The following RFLNA variants were observed in gnomAD, a reference collection of about 807,000 sequenced individuals.
RFLNA encodes refilin-A.
Under a neutral mutation model 7.8 loss-of-function variants are expected in RFLNA, and 5 were observed. The ratio of observed to expected loss-of-function variants is 0.64; its 90% CI spans 0.34 to 1.35. The LOEUF is 1.35. RFLNA is among the 40% of genes most tolerant of loss of function. RFLNA has a pLI of 0.04. For missense variants in RFLNA, 278 were observed against 305.5 expected (o/e 0.91, Z 0.67); for synonymous variants, 141 against 131.3 (o/e 1.07, Z -0.50).
Position 124,314,799 on chromosome 12 carries a change from G to A in RFLNA, c.*274G>A, listed in dbSNP as rs2034322002. 6.1e-6 allele frequency: 4 copies of A among 659,598 alleles called. No individual in the cohort carries two copies. Among genetic ancestry groups the A allele is most frequent in the Middle Eastern group, 2.5e-4 (1 of 3,938 alleles). 40.9% of individuals were successfully genotyped at this position (659,598 alleles called of 1,614,324 possible). On this transcript the variant is annotated 3_prime_UTR_variant, in exon 3 of 3. Coordinates refer to ENST00000546355, the MANE Select transcript of RFLNA (RefSeq NM_001365156.1). ...AGGCGGTAGGGGCATGCACTGTTAG[G>A]TGGTGGCCACCCCCAGGGTCAGGGG... is the stretch of plus-strand genomic sequence containing the variant.
At chr12:124,297,426 A>G (rs1263429870) in intron 1 of RFLNA, among the ~76,000 whole-genome samples, 3 of 152,188 alleles carry the variant, frequency 2.0e-5, no homozygotes, top group Non-Finnish European at 4.4e-5. Context: ...TAGATAGCTC[A>G]TACCGTGTGC....
Position 124,314,887 on chromosome 12 carries a change from A to C in RFLNA, c.*362A>C. 2.5e-6 allele frequency: 1 copy of C among 407,874 alleles called. No homozygotes were observed. The highest frequency in any genetic ancestry group is 4.8e-6 in the Non-Finnish European group (1 of 208,504). The allele number at this position is 407,874 out of a possible 1,614,324, so 25.3% of individuals were successfully genotyped here. On this transcript the variant is annotated 3_prime_UTR_variant, in exon 3 of 3. Transcript: ENST00000546355. Reference sequence around the variant, plus strand: ...ACAGCCCCGAGCAGTGTGAGGACAGAGGCATCCCAGCCTCAGCCGGTGGGG... The same window carrying C: ...ACAGCCCCGAGCAGTGTGAGGACAGCGGCATCCCAGCCTCAGCCGGTGGGG...
At chr12:124,291,590 A>G (rs1188326094), upstream of RFLNA, among the ~76,000 whole-genome samples, 1 of 152,212 alleles carries the variant, frequency 6.6e-6, no homozygotes, top group Non-Finnish European at 1.5e-5. Flanking sequence ...ATATGCAGCC[A>G]GGGTTCAAGT....
At chr12:124,291,773 C>A (rs930585821), upstream of RFLNA, among the ~76,000 whole-genome samples, 1 of 151,808 alleles carries the variant, frequency 6.6e-6, no homozygotes, top group Non-Finnish European at 1.5e-5. Flanking sequence ...AGTTGAGCTT[C>A]CCCCACACAA....
chr12:124,311,058 T>TC (rs1010064145), intron 1 of RFLNA, among the ~76,000 whole-genome samples: 7 of 152,144 alleles, frequency 4.6e-5, no homozygotes, highest in African/African-American at 1.7e-4. Context: ...TCAGCATAGC[T>TC]CCATTTCCAC....
intron 2 of RFLNA, among the ~76,000 whole-genome samples, chr12:124,313,461 G>A (rs1043128857): frequency 3.9e-5 from 6 of 152,100 alleles, no homozygotes; most frequent in South Asian, 2.1e-4. Context: ...GGCGGATCAC[G>A]AGGTCAGGAG....
chr12:124,310,435 G>A (rs1168581082), intron 1 of RFLNA, among the ~76,000 whole-genome samples: 1 of 151,926 alleles, frequency 6.6e-6, no homozygotes, highest in Non-Finnish European at 1.5e-5. Flanking sequence ...GGCTGCAGGG[G>A]CCAGAGGTCT....
rs532210038 is a variant in RFLNA, at chr12:124,305,064, T to C, written c.208-6754T>C. Among the ~76,000 whole-genome samples, 14 of 152,328 alleles carry C rather than the reference T, an allele frequency of 9.2e-5. No individual in the cohort carries two copies. The South Asian group carries it at 1.2e-3, about 14-fold the overall frequency. On this transcript the variant is annotated intron_variant, in intron 1 of 2. Transcript: ENST00000546355. ...TCAGTGTTGACTGAACGGTGAGCCA[T>C]AGAAGATGAGGATGGGCCTGTCTTG... is the stretch of plus-strand genomic sequence containing the variant.
At chr12:124,311,971 G>A (rs764684959) in intron 2 of RFLNA, 44 bp downstream of exon 2, 15 of 1,045,358 alleles carry the variant, frequency 1.4e-5, no homozygotes, top group South Asian at 3.1e-5. Context: ...GGGGTGGGGG[G>A]TTGGGTGCTG....
intron 1 of RFLNA, among the ~76,000 whole-genome samples, chr12:124,310,176 A>AAAAAAAAAAAAAAAAAAAAG (rs2034214739): frequency 7.5e-6 from 1 of 133,386 alleles, no homozygotes; most frequent in Non-Finnish European, 1.6e-5. Context: ...CTGTCTCAAA[A>AAAAAAAAAAAAAAAAAAAAG]AAAAAAAAAA....
At position 124,314,474 on chromosome 12, in the gene RFLNA, G is replaced by A; in HGVS notation, c.600G>A (p.Leu200=). The stretch of plus-strand genomic sequence containing the variant: ...GCTGGTTCACCGCCAGCGTGCAGCT[G>A]CAGCTTTGCCAGGACCCTGCCCCCA... ...PSRWFTASVQ[L]QLCQDPAPSL... is the part of the protein sequence containing the mutation. The change falls in exon 3 of 3, where the codon CTG becomes CTA. Residue 200 remains leucine (L), a synonymous_variant. Transcript: ENST00000546355. 1 of 1,598,484 alleles carries A rather than the reference G, an allele frequency of 6.3e-7. No individual in the cohort carries two copies. The highest frequency in any genetic ancestry group is 8.5e-7 in the Non-Finnish European group (1 of 1,179,218).
At position 124,289,315 on chromosome 12, in the gene RFLNA, G is replaced by C. The variant is rs959647012; in HGVS notation, c.-92G>C. The C allele has an allele frequency of 1.3e-5, 2 of 152,234 alleles. No homozygotes were observed. The highest frequency in any genetic ancestry group is 4.8e-5 in the African/African-American group (2 of 41,460). 9.4% of individuals were successfully genotyped at this position (152,234 alleles called of 1,614,324 possible). On this transcript the variant is annotated 5_prime_UTR_variant, in exon 1 of 3. Transcript: ENST00000324038. This position sits in a 1 kb window ranked among gnomAD's most constrained non-coding sequence, Gnocchi z 5.0. Reference sequence around the variant, plus strand: ...ACAGCCGGAAGGTGTGAAGCGGCAAGTTTCCAGCCGGGAAGAAGCCTCTCA... The same window carrying C: ...ACAGCCGGAAGGTGTGAAGCGGCAACTTTCCAGCCGGGAAGAAGCCTCTCA...
rs2034329050 is a variant in RFLNA at position 124,315,111 on chromosome 12, G to A, written c.*586G>A. ...CCACCTCTGGCGGATGTTGAGCCAG[G>A]AGGTTGGGCAAAGGCCGGATGCTGA... On this transcript the variant is annotated 3_prime_UTR_variant, in exon 3 of 3. Coordinates refer to ENST00000546355, the MANE Select transcript of RFLNA (RefSeq NM_001365156.1). The A allele has an allele frequency of 5.4e-6, 1 of 183,854 alleles. No homozygotes were observed. Among genetic ancestry groups the A allele is most frequent in the Admixed American group, 5.4e-5 (1 of 18,602 alleles). The allele number at this position is 183,854 out of a possible 1,614,324, so 11.4% of individuals were successfully genotyped here.
rs2033891606 is a variant in RFLNA, at chr12:124,295,519, G to GC, written c.96dup (p.Ser33GlnfsTer72). On this transcript the variant is annotated frameshift_variant, in exon 1 of 3. Transcript: ENST00000546355. LOFTEE classifies it high-confidence loss of function. ...TGCTGGACAGCCCCGACTCCGGGCT[G>GC]CCCCCCAGCCCCAGCCCCAGCCCGC... is the stretch of plus-strand genomic sequence containing the variant. The GC allele has an allele frequency of 1.6e-6, 2 of 1,269,404 alleles. No homozygotes were observed. The highest frequency in any genetic ancestry group is 2.9e-5 in the South Asian group (1 of 35,042). 78.6% of individuals were successfully genotyped at this position (1,269,404 alleles called of 1,614,324 possible).
intron 1 of RFLNA, among the ~76,000 whole-genome samples, chr12:124,298,359 G>T (rs1222168390): frequency 6.6e-6 from 1 of 152,076 alleles, no homozygotes; most frequent in Non-Finnish European, 1.5e-5. Context: ...ACTAAGGCAG[G>T]GTATCTGGGA....
chr12:124,312,104 A>G (rs960676451), intron 2 of RFLNA, among the ~76,000 whole-genome samples, 177 bp downstream of exon 2: 3 of 151,988 alleles, frequency 2.0e-5, no homozygotes, highest in Non-Finnish European at 2.9e-5. Context: ...TATCTTAGCC[A>G]CAGACAAAAC....
intron 1 of RFLNA, among the ~76,000 whole-genome samples, chr12:124,297,618 G>C (rs1233667616): frequency 1.3e-5 from 2 of 152,224 alleles, no homozygotes; most frequent in African/African-American, 4.8e-5. Flanking sequence ...GACCCAGAGA[G>C]TCTGACTGCA....
In RFLNA at chr12:124,314,349, CCG is replaced by C. The variant is rs1248233995; in HGVS notation, c.481_482del (p.Ala161ProfsTer81). ...YRSQLTLEPR[P>X]RALRFRSTTI... ...CAGCCAGCTGACCCTGGAGCCACGC[CCG>C]CGCGCCCTGCGCTTCCGCAGCACCA... On this transcript the variant is annotated frameshift_variant, in exon 3 of 3. Transcript: ENST00000546355. LOFTEE classifies it low-confidence loss of function (END_TRUNC). The C allele has an allele frequency of 6.2e-7, 1 of 1,613,406 alleles. No individual in the cohort carries two copies. Among genetic ancestry groups the C allele is most frequent in the East Asian group, 2.2e-5 (1 of 44,880 alleles).
At chr12:124,313,405 G>A (rs140387720) in intron 2 of RFLNA, among the ~76,000 whole-genome samples, 1,955 of 152,298 alleles carry the variant, frequency 0.013, 44 homozygotes, top group African/African-American at 0.045. Context: ...GCGGCTGGGC[G>A]TGGTGGCTCA....
Sources: gnomAD v4.1 joint callset for allele counts (sites outside exome capture counted in the v4.1 genomes callset) on GRCh38, gnomAD v4.1.1 for gene constraint, Gnocchi (gnomAD v3.1) non-coding constraint, MANE v1.5 for transcripts, NCBI Gene and HGNC (gene_info 2026-07-23, HGNC 2026-07-21) for gene names.